The following FNDC3B variants were observed in gnomAD, a reference collection of about 807,000 sequenced individuals.
The protein encoded by FNDC3B is fibronectin type III domain containing 3B, also known as fibronectin type III domain-containing protein 3B.
FNDC3B carries 12 observed loss-of-function variants against 151.5 expected under a neutral mutation model. The ratio of observed to expected loss-of-function variants is 0.08; its 90% CI spans 0.05 to 0.13. The LOEUF (loss-of-function observed/expected upper bound fraction) is 0.13, where lower values mean the gene tolerates loss of function less well. Ranked by LOEUF, FNDC3B falls within the 10% of genes least tolerant of loss-of-function variation. The pLI, the probability that FNDC3B is intolerant of heterozygous loss-of-function variation, is 1.00. For synonymous variants in FNDC3B, 528 were observed against 549.0 expected (o/e 0.96, Z 0.54); for missense variants, 1,214 against 1,505.3 (o/e 0.81, Z 3.20).
At chr3:172,162,054 G>A (rs138595722) in intron 3 of FNDC3B, among the ~76,000 whole-genome samples, 92 of 150,922 alleles carry the variant, frequency 6.1e-4, no homozygotes, top group African/African-American at 1.6e-3. Flanking sequence ...TCGGCTCACT[G>A]CAACCTCCGC....
At chr3:172,144,309 A>G (rs13321073) in intron 3 of FNDC3B, among the ~76,000 whole-genome samples, 67,896 of 152,072 alleles carry the variant, frequency 0.45, 16,482 homozygotes, top group East Asian at 0.58. Context: ...GTCACCTCCC[A>G]GCAGGCCCCA....
In FNDC3B at chr3:172,061,358, G is replaced by A. The variant is rs566331726; in HGVS notation, c.-29+21587G>A. ...CACCATTCTCCTGCCTCAGCCTCCC[G>A]AGTAGCTGGGATTACAGGTGCCCGC... On this transcript the variant is annotated intron_variant, in intron 1 of 25. Transcript: ENST00000415807. 2.6e-5 allele frequency among the ~76,000 whole-genome samples: 4 copies of A among 151,348 alleles called. No homozygotes were observed. In the East Asian group the frequency reaches 5.9e-4, roughly 22 times the overall value.
At chr3:172,145,681 A>ACTCGGT (rs1416990290) in intron 3 of FNDC3B, among the ~76,000 whole-genome samples, 3 of 152,214 alleles carry the variant, frequency 2.0e-5, no homozygotes, top group African/African-American at 7.2e-5. Context: ...TTGGGACGTA[A>ACTCGGT]CTCGGTCACA....
intron 3 of FNDC3B, among the ~76,000 whole-genome samples, chr3:172,221,219 A>G (rs1455730083): frequency 6.6e-6 from 1 of 152,128 alleles, no homozygotes; most frequent in Admixed American, 6.6e-5. Flanking sequence ...ACGTTGGGAT[A>G]TGTCATATGT....
chr3:172,387,101 C>T lies in FNDC3B; in HGVS notation c.3303+6008C>T, dbSNP rs781747241. On this transcript the variant is annotated intron_variant, in intron 25 of 25. Transcript: ENST00000415807. Reference sequence around the variant, plus strand: ...CTTCCCAAGTAGATGGGATTAAAGGCGCCTGCCACCATGCCAGGCTAATTT... The same window carrying T: ...CTTCCCAAGTAGATGGGATTAAAGGTGCCTGCCACCATGCCAGGCTAATTT... Among the ~76,000 whole-genome samples the T allele has an allele frequency of 2.1e-4, 32 of 152,174 alleles. 1 individual carries two copies. The South Asian group carries it at 3.3e-3, about 16-fold the overall frequency.
At chr3:172,076,838 T>C (rs980557518) in intron 1 of FNDC3B, among the ~76,000 whole-genome samples, 3 of 152,202 alleles carry the variant, frequency 2.0e-5, no homozygotes, top group African/African-American at 7.2e-5. Context: ...ATTATAACTT[T>C]TCCTGGGGTG....
intron 4 of FNDC3B, among the ~76,000 whole-genome samples, chr3:172,242,255 AG>A (rs1727535703): frequency 6.6e-6 from 1 of 152,286 alleles, no homozygotes; most frequent in South Asian, 2.1e-4. Context: ...ATGTGATGCA[AG>A]CTGTTGGTGG....
intron 1 of FNDC3B, among the ~76,000 whole-genome samples, chr3:172,051,083 C>CTT (rs550247058): frequency 1.0e-4 from 14 of 137,776 alleles, no homozygotes; most frequent in African/African-American, 2.9e-4. Flanking sequence ...TTTCTTTCTT[C>CTT]TTTTTTTTTT....
chr3:172,346,270 T>C, intron 19 of FNDC3B, 57 bp from the exon 20 acceptor site: 1 of 1,001,166 alleles, frequency 1.0e-6, no homozygotes, highest in Non-Finnish European at 1.5e-6. Context: ...TGCACACACA[T>C]TCACAAACAC....
intron 3 of FNDC3B, among the ~76,000 whole-genome samples, chr3:172,174,836 G>A (rs895566765): frequency 1.1e-4 from 17 of 149,830 alleles, no homozygotes; most frequent in African/African-American, 3.4e-4. Flanking sequence ...GGTAAATGAG[G>A]TGAAATCTTT....
intron 3 of FNDC3B, among the ~76,000 whole-genome samples, chr3:172,178,838 A>G (rs927241074): frequency 6.6e-6 from 1 of 152,226 alleles, no homozygotes; most frequent in African/African-American, 2.4e-5. Flanking sequence ...TGAGAGCTTC[A>G]GGGTCTTTTT....
chr3:172,117,611 A>T (rs188808213), intron 2 of FNDC3B, among the ~76,000 whole-genome samples: 2 of 152,206 alleles, frequency 1.3e-5, no homozygotes, highest in African/African-American at 4.8e-5. Context: ...ATTTAACGTG[A>T]TACTTATAAG....
intron 7 of FNDC3B, among the ~76,000 whole-genome samples, chr3:172,288,329 C>T (rs1394256808): frequency 6.6e-6 from 1 of 152,184 alleles, no homozygotes; most frequent in Admixed American, 6.5e-5. Flanking sequence ...CTGGACCTGG[C>T]GAATTCACTC....
At chr3:172,149,138 T>A (rs534233991) in intron 3 of FNDC3B, among the ~76,000 whole-genome samples, 1 of 152,328 alleles carries the variant, frequency 6.6e-6, no homozygotes, top group South Asian at 2.1e-4. Flanking sequence ...CCTGTTTCCC[T>A]TCACTGATAC....
intron 25 of FNDC3B, among the ~76,000 whole-genome samples, chr3:172,393,153 A>G (rs1736103865): frequency 6.6e-6 from 1 of 152,038 alleles, no homozygotes; most frequent in Admixed American, 6.6e-5. Flanking sequence ...GAGTCACCTC[A>G]CTTTTAAGGA....
intron 25 of FNDC3B, among the ~76,000 whole-genome samples, chr3:172,386,763 A>G (rs947298032): frequency 2.0e-5 from 3 of 151,676 alleles, no homozygotes; most frequent in Admixed American, 1.3e-4. Flanking sequence ...AAAAAAGAAA[A>G]AAAAAAAAAA....
Position 172,040,561 on chromosome 3 carries a change from G to T in FNDC3B, c.-29+790G>T. The T allele has an allele frequency of 6.6e-6, 1 of 152,314 alleles. No individual in the cohort carries two copies. The highest frequency in any genetic ancestry group is 2.0e-4 in the South Asian group (1 of 4,894). 9.4% of individuals were successfully genotyped at this position (152,314 alleles called of 1,614,324 possible). A position where few individuals can be genotyped will look rare whatever the true frequency, so the allele number is the denominator to read the frequency against. On this transcript the variant is annotated intron_variant, in intron 1 of 25. Coordinates refer to ENST00000415807, the MANE Select transcript of FNDC3B (RefSeq NM_022763.4). This position sits in a 1 kb window ranked among gnomAD's most constrained non-coding sequence, Gnocchi z 6.6. The stretch of plus-strand genomic sequence containing the variant: ...TGGCGAGCCGGCGGCTGGAAGCTCG[G>T]GCGGGGGAGCGGGGCGCGGCGGGAA...
chr3:172,058,336 GTGAACC>G (rs1260146750), intron 1 of FNDC3B, among the ~76,000 whole-genome samples: 3 of 152,128 alleles, frequency 2.0e-5, no homozygotes, highest in Non-Finnish European at 4.4e-5. Flanking sequence ...GGAAAAAAAT[GTGAACC>G]TGTCTTTGTA....
intron 19 of FNDC3B, among the ~76,000 whole-genome samples, chr3:172,345,054 TA>T (rs1282574732): frequency 1.3e-5 from 2 of 152,136 alleles, no homozygotes; most frequent in Non-Finnish European, 1.5e-5. Context: ...GATGATTTTT[TA>T]AAAAAATAAG....
Sources: allele counts gnomAD v4.1 joint callset (sites outside exome capture counted in the v4.1 genomes callset), GRCh38; gene constraint gnomAD v4.1.1; non-coding constraint Gnocchi (gnomAD v3.1); transcripts MANE v1.5; gene names NCBI Gene and HGNC (gene_info 2026-07-23, HGNC 2026-07-21).